ANKS1B: variants seen among roughly 807,000 people sequenced by gnomAD.
ANKS1B encodes the protein ankyrin repeat and sterile alpha motif domain-containing protein 1B.
A neutral mutation model predicts 148.3 loss-of-function variants in ANKS1B; 36 were observed. That is an observed-to-expected ratio of 0.24 (90% confidence interval 0.19 to 0.32). The LOEUF (loss-of-function observed/expected upper bound fraction) is 0.32. Ranked by LOEUF, ANKS1B falls within the 10% of genes least tolerant of loss-of-function variation. The pLI is 1.00. For synonymous variants in ANKS1B, 542 were observed against 560.8 expected, an observed-to-expected ratio of 0.97 and a Z score of 0.47; for missense variants, 1,157 against 1,542.6, an observed-to-expected ratio of 0.75 and a Z score of 4.19.
chr12:98,765,360 T>C (rs2098466699), intron 25 of ANKS1B, among the ~76,000 whole-genome samples: 1 of 151,338 alleles, frequency 6.6e-6, no homozygotes, highest in African/African-American at 2.4e-5. Flanking sequence ...TGCCTCCTGG[T>C]TCAAGTGATT....
intron 17 of ANKS1B, among the ~76,000 whole-genome samples, chr12:98,951,684 G>A (rs2099854338): frequency 6.6e-6 from 1 of 152,094 alleles, no homozygotes; most frequent in Non-Finnish European, 1.5e-5. Flanking sequence ...TTCCCTCTGG[G>A]CCTACAGGGG....
intron 4 of ANKS1B, among the ~76,000 whole-genome samples, chr12:99,790,861 C>T (rs2065556619): frequency 6.6e-6 from 1 of 151,742 alleles, no homozygotes; most frequent in Non-Finnish European, 1.5e-5. Flanking sequence ...AAAGGAAGAG[C>T]AGACCGCCAA....
intron 12 of ANKS1B, among the ~76,000 whole-genome samples, chr12:99,316,464 G>A (rs2084120545): frequency 6.6e-6 from 1 of 152,146 alleles, no homozygotes; most frequent in South Asian, 2.1e-4. Flanking sequence ...GGGCATAAAT[G>A]CTTTCTTTTG....
intron 12 of ANKS1B, among the ~76,000 whole-genome samples, chr12:99,295,623 T>A (rs1420347538): frequency 6.6e-6 from 1 of 152,238 alleles, no homozygotes; most frequent in East Asian, 1.9e-4. Flanking sequence ...AAGTTTTATT[T>A]TAAGTCCAGG....
intron 10 of ANKS1B, among the ~76,000 whole-genome samples, chr12:99,458,070 A>C (rs2095876073): frequency 6.6e-6 from 1 of 152,104 alleles, no homozygotes; most frequent in Non-Finnish European, 1.5e-5. Context: ...AAATCATAGC[A>C]AGTACTCTCT....
intron 1 of ANKS1B, among the ~76,000 whole-genome samples, chr12:99,835,997 T>C (rs986945758): frequency 6.6e-6 from 1 of 152,230 alleles, no homozygotes; most frequent in Admixed American, 6.5e-5. Context: ...ACCCACATAC[T>C]ATCCCATATG....
chr12:99,810,517 T>C (rs1299969568), intron 3 of ANKS1B, among the ~76,000 whole-genome samples: 2 of 151,826 alleles, frequency 1.3e-5, no homozygotes, highest in Admixed American at 6.6e-5. Context: ...AGTATACATA[T>C]AACAATGAAA....
intron 8 of ANKS1B, among the ~76,000 whole-genome samples, chr12:99,721,231 C>G (rs956380175): frequency 6.6e-6 from 1 of 152,132 alleles, no homozygotes; most frequent in South Asian, 2.1e-4. Context: ...TGAGAAACAT[C>G]GCCCGTTATC....
chr12:99,354,313 C>A (rs1298695754), intron 12 of ANKS1B, among the ~76,000 whole-genome samples: 1 of 151,880 alleles, frequency 6.6e-6, no homozygotes, highest in East Asian at 1.9e-4. Context: ...TAGAGTAAAG[C>A]CTAGAAAACA....
At chr12:99,384,163 C>T (rs140534977) in intron 12 of ANKS1B, among the ~76,000 whole-genome samples, 164 of 152,202 alleles carry the variant, frequency 1.1e-3, no homozygotes, top group Middle Eastern at 3.4e-3. Flanking sequence ...CTTAGAAGCT[C>T]AAGAAATATT....
chr12:99,465,348 G>A (rs2096081300), intron 10 of ANKS1B, among the ~76,000 whole-genome samples: 1 of 151,788 alleles, frequency 6.6e-6, no homozygotes. Context: ...ACGCCAAATT[G>A]TAAAGACCAT....
At chr12:99,903,946 T>C (rs555283010) in intron 1 of ANKS1B, among the ~76,000 whole-genome samples, 4 of 152,252 alleles carry the variant, frequency 2.6e-5, no homozygotes, top group Non-Finnish European at 5.9e-5. Context: ...GTGTGTATGG[T>C]AAATTTGAAC....
At chr12:99,319,206 G>C (rs962006589) in intron 12 of ANKS1B, among the ~76,000 whole-genome samples, 1 of 152,164 alleles carries the variant, frequency 6.6e-6, no homozygotes, top group Non-Finnish European at 1.5e-5. Flanking sequence ...GTGCAGAGCT[G>C]AGTTCAATTC....
At chr12:99,682,198 T>G (rs898446125) in intron 8 of ANKS1B, among the ~76,000 whole-genome samples, 2 of 152,146 alleles carry the variant, frequency 1.3e-5, no homozygotes, top group East Asian at 3.9e-4. Flanking sequence ...ACTAGACAGG[T>G]CATCAAGTTA....
rs112740616 is a variant in ANKS1B at position 99,909,403 on chromosome 12, C to T, written c.134+74701G>A. ...GTGCTGACTTCATTTCCGTTGGATA[C>T]ATACCCACAAGAGGGACTGATTGCT... On this transcript the variant is annotated intron_variant, in intron 1 of 26. Coordinates refer to ENST00000683438, the MANE Select transcript of ANKS1B (RefSeq NM_001352186.2). 3.0e-3 allele frequency among the ~76,000 whole-genome samples: 461 copies of T among 152,272 alleles called. 3 individuals are homozygous for T. Among genetic ancestry groups the T allele is most frequent in the African/African-American group, 0.01 (433 of 41,538 alleles).
At chr12:99,532,912 T>C (rs1005168619) in intron 9 of ANKS1B, among the ~76,000 whole-genome samples, 1 of 152,216 alleles carries the variant, frequency 6.6e-6, no homozygotes, top group Non-Finnish European at 1.5e-5. Context: ...CCATGTTATT[T>C]TGGTTACTAT....
intron 8 of ANKS1B, among the ~76,000 whole-genome samples, chr12:99,741,091 C>T (rs1465597359): frequency 1.3e-5 from 2 of 151,814 alleles, no homozygotes; most frequent in East Asian, 1.9e-4. Flanking sequence ...ACATGTAATC[C>T]CAGCTACTCG....
At chr12:99,543,170 A>G (rs2097142548) in intron 9 of ANKS1B, among the ~76,000 whole-genome samples, 1 of 152,130 alleles carries the variant, frequency 6.6e-6, no homozygotes, top group South Asian at 2.1e-4. Flanking sequence ...GGGCAAAGGA[A>G]TAAGTATTTC....
intron 10 of ANKS1B, among the ~76,000 whole-genome samples, chr12:99,461,371 A>G (rs1313045443): frequency 6.6e-6 from 1 of 152,164 alleles, no homozygotes; most frequent in Non-Finnish European, 1.5e-5. Flanking sequence ...AGAAATCACC[A>G]CTAAAGAACT....
Sources: allele counts gnomAD v4.1 joint callset (sites outside exome capture counted in the v4.1 genomes callset), GRCh38; gene constraint gnomAD v4.1.1; transcripts MANE v1.5; gene names NCBI Gene and HGNC (gene_info 2026-07-23, HGNC 2026-07-21).